SESN2: variants seen among roughly 807,000 people sequenced by gnomAD.
The protein encoded by SESN2 is sestrin 2.
Under a neutral mutation model 56.0 loss-of-function variants are expected in SESN2, and 42 were observed. That is an observed-to-expected ratio of 0.75 (90% CI 0.59 to 0.97). The LOEUF (loss-of-function observed/expected upper bound fraction) is 0.97, where lower values mean the gene tolerates loss of function less well. Ranked by LOEUF, SESN2 falls within the 50% of genes least tolerant of loss-of-function variation. The pLI is 0.00. For synonymous variants in SESN2, 264 were observed against 267.1 expected, an observed-to-expected ratio of 0.99 and a Z score of 0.11; for missense variants, 507 against 649.4, an observed-to-expected ratio of 0.78 and a Z score of 2.38.
chr1:28,261,518 C>A (rs754599934), intron 1 of SESN2, among the ~76,000 whole-genome samples: 2 of 152,136 alleles, frequency 1.3e-5, no homozygotes, highest in Admixed American at 1.3e-4. Flanking sequence ...CAAGCAAAAG[C>A]TGAAGCACTG....
At chr1:28,268,899 G>A (rs1336213308) in intron 1 of SESN2, among the ~76,000 whole-genome samples, 1 of 152,200 alleles carries the variant, frequency 6.6e-6, no homozygotes, top group East Asian at 1.9e-4. Flanking sequence ...TGTGCAGCAT[G>A]ATGGCTATAT....
chr1:28,279,297 G>A (rs1475666037), intron 9 of SESN2, 56 bp downstream of exon 9: 2 of 1,599,644 alleles, frequency 1.3e-6, no homozygotes, highest in East Asian at 2.2e-5. Flanking sequence ...CCAGTGGAGA[G>A]GGCAAGGGGT....
Position 28,280,830 on chromosome 1 carries a change from A to G in SESN2, c.*28A>G. 1.3e-6 allele frequency: 2 copies of G among 1,562,906 alleles called. No individual in the cohort carries two copies. The highest frequency in any genetic ancestry group is 2.2e-5 in the South Asian group (2 of 90,076). Reference sequence around the variant, plus strand: ...CCTGAGCAGGACCTGGGCCCGGTTCAGCTCCCCACAAGGACTTCTCTGTCT... The same window carrying G: ...CCTGAGCAGGACCTGGGCCCGGTTCGGCTCCCCACAAGGACTTCTCTGTCT... On this transcript the variant is annotated 3_prime_UTR_variant, in exon 10 of 10. Coordinates refer to ENST00000253063, the MANE Select transcript of SESN2 (RefSeq NM_031459.5).
intron 1 of SESN2, among the ~76,000 whole-genome samples, chr1:28,264,179 C>T (rs866524155): frequency 2.0e-5 from 3 of 151,722 alleles, no homozygotes; most frequent in East Asian, 1.9e-4. Flanking sequence ...ATTAGCCGGG[C>T]TTGGTGGCGC....
chr1:28,271,810 A>T lies in SESN2; in HGVS notation c.293A>T (p.Tyr98Phe). ...DYFTSFWRLHYLLLHTDGPLA... is the reference protein window; with the variant it reads ...DYFTSFWRLHFLLLHTDGPLA... ...TTTACCAGCTTCTGGCGCCTGCACT[A>T]CCTGCTGCTGCACACGGATGGTCCC... is the stretch of plus-strand genomic sequence containing the variant. Residue 98 changes from tyrosine (Y) to phenylalanine (F), a missense_variant, in exon 3 of 10, where the codon TAC becomes TTC. By Grantham distance (22) the Tyr-to-Phe change is conservative (BLOSUM62 3). Transcript: ENST00000253063. 6.2e-7 allele frequency: 1 copy of T among 1,614,054 alleles called. No homozygotes were observed. Among genetic ancestry groups the T allele is most frequent in the African/African-American group, 1.3e-5 (1 of 75,016 alleles).
intron 9 of SESN2, 52 bp downstream of exon 9, chr1:28,279,293 G>C: frequency 6.2e-7 from 1 of 1,604,002 alleles, no homozygotes; most frequent in East Asian, 2.2e-5. Context: ...CAAGCCAGTG[G>C]AGAGGGCAAG....
rs962187429 is a variant in SESN2, at chr1:28,259,572, G to A, written c.-276G>A. ...GAGCGCTGGGTCCGGGAGCAGCCCT[G>A]GCCCCTGCGGACTTCCGAGGCCGTG... On this transcript the variant is annotated 5_prime_UTR_variant, in exon 1 of 10. Transcript: ENST00000253063. 3 of 373,476 alleles carry A rather than the reference G, an allele frequency of 8.0e-6. No individual in the cohort carries two copies. The highest frequency in any genetic ancestry group is 6.3e-5 in the African/African-American group (3 of 47,704). 23.1% of individuals were successfully genotyped at this position (373,476 alleles called of 1,614,324 possible).
At chr1:28,269,109 G>C (rs1436470780) in intron 1 of SESN2, 74 bp from the exon 2 acceptor site, 1 of 1,080,536 alleles carries the variant, frequency 9.3e-7, no homozygotes, top group East Asian at 2.6e-5. Flanking sequence ...TGGATAGGAG[G>C]AAGAGGCTGG....
chr1:28,265,385 T>A (rs1647521764), intron 1 of SESN2, among the ~76,000 whole-genome samples: 1 of 152,088 alleles, frequency 6.6e-6, no homozygotes, highest in Admixed American at 6.6e-5. Context: ...TCCCCCTAGT[T>A]TTTGGGGTGT....
chr1:28,279,110 G>GA lies in SESN2; in HGVS notation c.1226dup (p.Asp409GlufsTer255), dbSNP rs1205605004. 3 of 1,614,054 alleles carry GA rather than the reference G, an allele frequency of 1.9e-6. No individual in the cohort carries two copies. The highest frequency in any genetic ancestry group is 2.5e-6 in the Non-Finnish European group (3 of 1,180,024). On this transcript the variant is annotated frameshift_variant, in exon 9 of 10. Coordinates refer to ENST00000253063, the MANE Select transcript of SESN2 (RefSeq NM_031459.5). LOFTEE classifies it high-confidence loss of function. ...CTTTCCATCCAGATATGATGACTAT[G>GA]ATTATGGGGAGGTGAACCAGCTCCT...
intron 1 of SESN2, among the ~76,000 whole-genome samples, chr1:28,262,860 A>C (rs956176817): frequency 1.3e-5 from 2 of 151,498 alleles, no homozygotes; most frequent in Non-Finnish European, 2.9e-5. Context: ...CCTGGGAGGC[A>C]GAGGTTGCAG....
intron 5 of SESN2, 107 bp downstream of exon 5, chr1:28,272,900 TG>T (rs1647842551): frequency 1.5e-6 from 1 of 650,270 alleles, no homozygotes; most frequent in Non-Finnish European, 2.7e-6. Context: ...CCTGCTGCTA[TG>T]AGAGACCATA....
intron 1 of SESN2, among the ~76,000 whole-genome samples, chr1:28,262,931 A>AAAAAC (rs1275548463): frequency 1.1e-4 from 17 of 152,162 alleles, no homozygotes; most frequent in Non-Finnish European, 7.4e-5. Flanking sequence ...CCGTCTCAAA[A>AAAAAC]AAAACAAAAC....
chr1:28,277,550 A>G (rs1187588506), intron 8 of SESN2, among the ~76,000 whole-genome samples: 1 of 152,178 alleles, frequency 6.6e-6, no homozygotes, highest in African/African-American at 2.4e-5. Context: ...TAACCAAAGC[A>G]TATATAATTT....
intron 1 of SESN2, among the ~76,000 whole-genome samples, chr1:28,263,744 T>C (rs1647462577): frequency 6.6e-6 from 1 of 152,058 alleles, no homozygotes; most frequent in Non-Finnish European, 1.5e-5. Context: ...GAATGGACCT[T>C]AGAAGCCAGG....
chr1:28,279,010 T>C (rs1436227906), intron 8 of SESN2, 87 bp from the exon 9 acceptor site: 6 of 1,336,500 alleles, frequency 4.5e-6, no homozygotes, highest in Non-Finnish European at 6.4e-6. Flanking sequence ...CAACACTCTG[T>C]TCTTCCCTCT....
chr1:28,265,479 C>T (rs1012783326), intron 1 of SESN2, among the ~76,000 whole-genome samples: 5 of 152,136 alleles, frequency 3.3e-5, no homozygotes, highest in East Asian at 1.9e-4. Context: ...CCACAACCTC[C>T]ACCTCCTGGG....
At chr1:28,275,348 GT>G (rs1217797682) in intron 8 of SESN2, among the ~76,000 whole-genome samples, 1 of 151,916 alleles carries the variant, frequency 6.6e-6, no homozygotes, top group Non-Finnish European at 1.5e-5. Flanking sequence ...AGTTATGTTT[GT>G]ATTTCCATTC....
In SESN2 at chr1:28,262,152, G is replaced by A. The variant is rs569789770; in HGVS notation, c.90+2215G>A. The stretch of plus-strand genomic sequence containing the variant: ...TCGGACGGTTTCTGCTTTGAGTGGT[G>A]GCATCCTTAGAAGACAGCAGGGTGC... On this transcript the variant is annotated intron_variant, in intron 1 of 9. Coordinates refer to ENST00000253063, the MANE Select transcript of SESN2 (RefSeq NM_031459.5). 3.9e-4 allele frequency among the ~76,000 whole-genome samples: 59 copies of A among 152,198 alleles called. 1 individual carries two copies. Among genetic ancestry groups the A allele is most frequent in the Middle Eastern group, 3.4e-3 (1 of 294 alleles).
Sources: gnomAD v4.1 joint callset for allele counts (sites outside exome capture counted in the v4.1 genomes callset) on GRCh38, gnomAD v4.1.1 for gene constraint, MANE v1.5 for transcripts, NCBI Gene and HGNC (gene_info 2026-07-23, HGNC 2026-07-21) for gene names.